Variants in STX6 observed in about 807,000 individuals in gnomAD.
The protein encoded by STX6 is syntaxin-6.
In STX6, 23 loss-of-function variants were observed where a neutral mutation model predicts 38.0. That is an observed-to-expected ratio of 0.60 (90% CI 0.43 to 0.86). The LOEUF (loss-of-function observed/expected upper bound fraction) is 0.86, where lower values mean the gene tolerates loss of function less well. Among genes scored for constraint, STX6 ranks in the 40% least tolerant of loss-of-function variants. The probability of loss-of-function intolerance (pLI) is 0.00; values close to 1 mark genes in which losing one functional copy is unlikely to be tolerated. For synonymous variants in STX6, 123 were observed against 107.5 expected, an observed-to-expected ratio of 1.14 and a Z score of -0.89; for missense variants, 274 against 312.9, an observed-to-expected ratio of 0.88 and a Z score of 0.94.
intron 1 of STX6, among the ~76,000 whole-genome samples, chr1:181,006,964 T>C (rs1409777946): frequency 1.3e-5 from 2 of 152,188 alleles, no homozygotes; most frequent in East Asian, 1.9e-4. Flanking sequence ...ATGTCAGCCT[T>C]TAGACTTTCA....
chr1:180,999,682 CAT>C (rs1426151685), intron 3 of STX6, among the ~76,000 whole-genome samples: 1 of 149,472 alleles, frequency 6.7e-6, no homozygotes. Context: ...CCACAAAATG[CAT>C]AGAGTATCAC....
chr1:180,976,987 A>C (rs1655274088), intron 7 of STX6, among the ~76,000 whole-genome samples: 1 of 152,254 alleles, frequency 6.6e-6, no homozygotes, highest in Admixed American at 6.5e-5. Context: ...TACAGATCAA[A>C]GCCTGCCTGC....
In STX6 at chr1:181,007,129, A is replaced by C. The variant is rs563606117; in HGVS notation, c.36-1666T>G. Reference sequence around the variant, plus strand: ...AAGTAAGTCATCCTTTGGTATCCTTAGGGGATTGGTTCCAGGACCTCCACA... The same window carrying C: ...AAGTAAGTCATCCTTTGGTATCCTTCGGGGATTGGTTCCAGGACCTCCACA... On this transcript the variant is annotated intron_variant, in intron 1 of 7. Transcript: ENST00000258301. Among the ~76,000 whole-genome samples, 4 of 152,132 alleles carry C rather than the reference A, an allele frequency of 2.6e-5. No homozygotes were observed. In the South Asian group the frequency reaches 8.3e-4, roughly 32 times the overall value.
intron 3 of STX6, among the ~76,000 whole-genome samples, chr1:180,996,246 A>G (rs1008795463): frequency 6.6e-6 from 1 of 152,216 alleles, no homozygotes; most frequent in African/African-American, 2.4e-5. Flanking sequence ...ATTTATAATA[A>G]GAAAAAAAGT....
chr1:181,007,836 G>A (rs1249423280), intron 1 of STX6, among the ~76,000 whole-genome samples: 1 of 152,122 alleles, frequency 6.6e-6, no homozygotes, highest in Non-Finnish European at 1.5e-5. Context: ...TTTAAAATGT[G>A]AGCTTACATG....
chr1:181,022,721 C>T lies in STX6; in HGVS notation c.-48G>A, dbSNP rs755005941. ...TCACCTCCTCCGCGCACAGGGCGCC[C>T]GTGCCTCCCGGTCTCCCTCCGCCCA... On this transcript the variant is annotated 5_prime_UTR_variant, in exon 1 of 8. Transcript: ENST00000258301. The T allele has an allele frequency of 6.4e-7, 1 of 1,567,776 alleles. No homozygotes were observed. Among genetic ancestry groups the T allele is most frequent in the Non-Finnish European group, 8.6e-7 (1 of 1,157,606 alleles).
In STX6 at chr1:181,002,619, C is replaced by T. The variant is rs368679299; in HGVS notation, c.287G>A (p.Arg96Gln). The change falls in exon 3 of 8, where the codon CGG (arginine) becomes CAG (glutamine). Residue 96 changes from arginine (R) to glutamine (Q), a missense_variant. Coordinates refer to ENST00000258301, the MANE Select transcript of STX6 (RefSeq NM_005819.6). Reference sequence around the variant, plus strand: ...CATATTCCTTACCCTGACAACTTGCCGAGTACTTGTAATGAAGGCTTTTCT... The same window carrying T: ...CATATTCCTTACCCTGACAACTTGCTGAGTACTTGTAATGAAGGCTTTTCT... The part of the protein sequence containing the change: ...SIRKAFITST[R>Q]QVVRDMKDQM... The T allele has an allele frequency of 4.7e-5, 75 of 1,611,840 alleles. No individual in the cohort carries two copies. Among genetic ancestry groups the T allele is most frequent in the Non-Finnish European group, 6.0e-5 (71 of 1,178,188 alleles).
chr1:181,016,531 T>C (rs943291605), intron 1 of STX6, among the ~76,000 whole-genome samples: 1 of 152,250 alleles, frequency 6.6e-6, no homozygotes, highest in Admixed American at 6.5e-5. Flanking sequence ...TTTTAGAAAG[T>C]ATTAAATTTG....
At chr1:180,987,059 T>C (rs7556005) in intron 6 of STX6, among the ~76,000 whole-genome samples, 107,907 of 152,036 alleles carry the variant, frequency 0.71, 38,520 homozygotes, top group African/African-American at 0.75. Context: ...GGTCTCTCAT[T>C]ATGCTGAGAA....
At chr1:180,995,788 T>C (rs1655890009) in intron 3 of STX6, among the ~76,000 whole-genome samples, 1 of 152,204 alleles carries the variant, frequency 6.6e-6, no homozygotes, top group Non-Finnish European at 1.5e-5. Flanking sequence ...AACATGCAAG[T>C]ATGGGAAAGT....
At position 180,988,249 on chromosome 1, in the gene STX6, C is replaced by T; in HGVS notation, c.586G>A (p.Glu196Lys). ...MSQRIGGELE[E>K]QAVMLEDFSH... ...TGTCTCAATACTCACACTGCCTGTTCCTCCAGCTCCCCTCCGATGCGCTGG... is the reference window on the plus strand; with the variant it reads ...TGTCTCAATACTCACACTGCCTGTTTCTCCAGCTCCCCTCCGATGCGCTGG... The change falls in exon 6 of 8, where the codon GAA becomes AAA. Residue 196 changes from glutamate to lysine, a missense_variant. Coordinates refer to ENST00000258301, the MANE Select transcript of STX6 (RefSeq NM_005819.6). 2 of 1,613,208 alleles carry T rather than the reference C, an allele frequency of 1.2e-6. No individual in the cohort carries two copies. The highest frequency in any genetic ancestry group is 1.7e-6 in the Non-Finnish European group (2 of 1,179,228).
rs1655717105 is a variant in STX6, at chr1:180,990,261, T to C, written c.364-152A>G. The C allele has an allele frequency of 1.5e-5, 14 of 925,206 alleles. No individual in the cohort carries two copies. In the South Asian group the frequency reaches 2.3e-4, roughly 15 times the overall value. The allele number at this position is 925,206 out of a possible 1,614,324, so 57.3% of individuals were successfully genotyped here. On this transcript the variant is annotated intron_variant, in intron 4 of 7. Coordinates refer to ENST00000258301, the MANE Select transcript of STX6 (RefSeq NM_005819.6). ...TTATGTAGTGGTGTAGGTTGGTGCC[T>C]GGGTGGTACTATTTAAGGAATTCCA...
chr1:181,014,074 T>A (rs931379233), intron 1 of STX6, among the ~76,000 whole-genome samples: 2 of 152,150 alleles, frequency 1.3e-5, no homozygotes, highest in South Asian at 4.1e-4. Context: ...AAACTCCAGT[T>A]TGATAAAAGA....
intron 3 of STX6, among the ~76,000 whole-genome samples, chr1:180,997,671 T>TAAAA (rs1244886160): frequency 8.5e-5 from 13 of 152,360 alleles, no homozygotes; most frequent in African/African-American, 2.6e-4. Flanking sequence ...TTTACTCTTT[T>TAAAA]AATGTGGCAA....
At chr1:180,981,444 T>C (rs1655413367) in intron 7 of STX6, among the ~76,000 whole-genome samples, 1 of 152,168 alleles carries the variant, frequency 6.6e-6, no homozygotes, top group African/African-American at 2.4e-5. Flanking sequence ...ACGGAGAAAG[T>C]ATTCCTTCTC....
chr1:181,006,203 CA>C (rs1656221339), intron 1 of STX6, among the ~76,000 whole-genome samples: 1 of 151,990 alleles, frequency 6.6e-6, no homozygotes, highest in Admixed American at 6.6e-5. Flanking sequence ...GCTGGGATTA[CA>C]GGTGCCCGCC....
intron 1 of STX6, among the ~76,000 whole-genome samples, chr1:181,012,473 T>C (rs1656429117): frequency 6.6e-6 from 1 of 152,100 alleles, no homozygotes; most frequent in South Asian, 2.1e-4. Context: ...CCTGTCATCT[T>C]CTCAAGGATT....
At chr1:181,017,253 C>G (rs1314540679) in intron 1 of STX6, among the ~76,000 whole-genome samples, 1 of 151,046 alleles carries the variant, frequency 6.6e-6, no homozygotes, top group Non-Finnish European at 1.5e-5. Context: ...ATTAGCTGGG[C>G]GTGGTGGCGG....
chr1:180,977,655 A>G (rs960007150), intron 7 of STX6, among the ~76,000 whole-genome samples: 17 of 152,230 alleles, frequency 1.1e-4, no homozygotes, highest in Non-Finnish European at 2.2e-4. Context: ...TACAACCACT[A>G]GGAATAAGAG....
Sources: gnomAD v4.1 joint callset for allele counts (sites outside exome capture counted in the v4.1 genomes callset) on GRCh38, gnomAD v4.1.1 for gene constraint, MANE v1.5 for transcripts, NCBI Gene and HGNC (gene_info 2026-07-23, HGNC 2026-07-21) for gene names.